Variants in PREX1 observed in about 807,000 individuals in gnomAD.
PREX1 encodes phosphatidylinositol 3,4,5-trisphosphate-dependent Rac exchanger 1 protein.
PREX1 carries 41 observed loss-of-function variants against 198.3 expected under a neutral mutation model. The observed-to-expected ratio is 0.21, with a 90% confidence interval of 0.16 to 0.27. The LOEUF (loss-of-function observed/expected upper bound fraction) is 0.27. PREX1 is among the 10% of genes least tolerant of loss of function. The probability of loss-of-function intolerance (pLI) is 1.00; values close to 1 mark genes in which losing one functional copy is unlikely to be tolerated. For synonymous variants in PREX1, 843 were observed against 887.2 expected, an observed-to-expected ratio of 0.95 and a Z score of 0.89; for missense variants, 1,620 against 2,200.7, an observed-to-expected ratio of 0.74 and a Z score of 5.28.
chr20:48,812,025 T>A (rs549499525), intron 1 of PREX1, among the ~76,000 whole-genome samples: 3 of 152,334 alleles, frequency 2.0e-5, no homozygotes, highest in Admixed American at 2.0e-4. Context: ...GCGAGATGAT[T>A]GGATGAGATG....
At chr20:48,857,813 A>C in the PREX1 span, among the ~76,000 whole-genome samples, 2 of 152,218 alleles carry the variant, frequency 1.3e-5, no homozygotes, top group African/African-American at 4.8e-5. Flanking sequence ...GGACTACTTT[A>C]GTGGTGGTCA....
chr20:48,629,161 G>A (rs772499245), intron 37 of PREX1, among the ~76,000 whole-genome samples: 14 of 152,176 alleles, frequency 9.2e-5, no homozygotes, highest in Non-Finnish European at 1.5e-4. Context: ...CATTGCTATT[G>A]TTAATGTTGA....
At chr20:48,660,290 T>C (rs1335925374) in intron 15 of PREX1, among the ~76,000 whole-genome samples, 2 of 152,232 alleles carry the variant, frequency 1.3e-5, no homozygotes, top group Non-Finnish European at 2.9e-5. Context: ...TCACCTGCTA[T>C]AAAAAGACAT....
intron 2 of PREX1, among the ~76,000 whole-genome samples, chr20:48,747,144 T>A (rs1174554276): frequency 1.3e-5 from 2 of 152,054 alleles, no homozygotes; most frequent in African/African-American, 4.8e-5. Context: ...ATCAGGGCGT[T>A]TGGGGGGAAT....
intron 1 of PREX1, among the ~76,000 whole-genome samples, chr20:48,773,362 C>G (rs1334265576): frequency 2.0e-5 from 3 of 152,018 alleles, no homozygotes; most frequent in East Asian, 3.9e-4. Context: ...CTACCACATC[C>G]TACCAGAGGC....
intron 1 of PREX1, among the ~76,000 whole-genome samples, chr20:48,764,463 C>T (rs751191389): frequency 2.6e-5 from 4 of 151,960 alleles, no homozygotes; most frequent in Non-Finnish European, 2.9e-5. Context: ...TTGAGGTGGG[C>T]CCAACATAAT....
chr20:48,749,899 T>G (rs1248722138), intron 1 of PREX1, among the ~76,000 whole-genome samples: 1 of 151,400 alleles, frequency 6.6e-6, no homozygotes, highest in East Asian at 1.9e-4. Context: ...CATAAATGGG[T>G]TAAATCCCCT....
chr20:48,737,969 G>C (rs908171988), intron 3 of PREX1, among the ~76,000 whole-genome samples: 1 of 152,162 alleles, frequency 6.6e-6, no homozygotes, highest in Non-Finnish European at 1.5e-5. Context: ...ATTTGTTTAA[G>C]CCTATCTGAA....
chr20:48,884,966 T>C, the PREX1 span, among the ~76,000 whole-genome samples: 1 of 152,166 alleles, frequency 6.6e-6, no homozygotes, highest in Non-Finnish European at 1.5e-5. Flanking sequence ...TGTCCATGCA[T>C]GAAAGAGCCT....
chr20:48,886,477 T>C, the PREX1 span, among the ~76,000 whole-genome samples: 4 of 152,238 alleles, frequency 2.6e-5, no homozygotes, highest in African/African-American at 9.6e-5. Flanking sequence ...ATGGAACCAC[T>C]GCTCAGCTGG....
At chr20:48,656,558 TC>T in intron 18 of PREX1, 1 of 456,806 alleles carries the variant, frequency 2.2e-6, no homozygotes, top group Non-Finnish European at 4.4e-6. Flanking sequence ...CCTAGCTGCT[TC>T]CCCTGCCTGG....
chr20:48,829,294 C>A (rs543255469), upstream of PREX1, among the ~76,000 whole-genome samples: 12 of 152,300 alleles, frequency 7.9e-5, no homozygotes, highest in African/African-American at 2.9e-4. Context: ...GAGATTGTAT[C>A]GTCTCTGCAG....
intron 3 of PREX1, among the ~76,000 whole-genome samples, chr20:48,743,326 C>A (rs929719100): frequency 2.6e-5 from 4 of 152,180 alleles, no homozygotes; most frequent in African/African-American, 4.8e-5. Flanking sequence ...TATTCAAACA[C>A]CTTTACTGCA....
chr20:48,700,646 C>T, intron 7 of PREX1, 107 bp downstream of exon 7: 1 of 1,456,318 alleles, frequency 6.9e-7, no homozygotes, highest in Admixed American at 1.7e-5. Context: ...TAGAACAAAC[C>T]CCTCAACTCA....
intron 5 of PREX1, among the ~76,000 whole-genome samples, 170 bp from the exon 6 acceptor site, chr20:48,708,591 T>C (rs2089914525): frequency 6.6e-6 from 1 of 152,144 alleles, no homozygotes; most frequent in South Asian, 2.1e-4. Flanking sequence ...TGGAATCCAA[T>C]GTCAAGCAGT....
At chr20:48,708,684 G>A (rs1246891798) in intron 5 of PREX1, among the ~76,000 whole-genome samples, 1 of 152,172 alleles carries the variant, frequency 6.6e-6, no homozygotes, top group Non-Finnish European at 1.5e-5. Flanking sequence ...TCTCTCTGGA[G>A]GTGATGTTTG....
At position 48,664,370 on chromosome 20, in the gene PREX1, G is replaced by A. The variant is rs577296904; in HGVS notation, c.1738+1913C>T. ...AGCCTGGGCGACAGAGCAAGACTCC[G>A]TCTGAAAAAAAAAAAAAAGAGAGAG... On this transcript the variant is annotated intron_variant, in intron 15 of 39. Coordinates refer to ENST00000371941, the MANE Select transcript of PREX1 (RefSeq NM_020820.4). Among the ~76,000 whole-genome samples the A allele has an allele frequency of 4.2e-4, 59 of 139,504 alleles. No homozygotes were observed. In the East Asian group the frequency reaches 0.011, roughly 25 times the overall value. The allele number at this position is 139,504 out of a possible 152,430, so 91.5% of individuals were successfully genotyped here.
At chr20:48,726,239 T>C in intron 5 of PREX1, 51 bp downstream of exon 5, 1 of 1,485,582 alleles carries the variant, frequency 6.7e-7, no homozygotes, top group Non-Finnish European at 9.3e-7. Context: ...AATTTTATGT[T>C]ATGCTGAAGC....
At chr20:48,842,539 G>A in the PREX1 span, among the ~76,000 whole-genome samples, 3 of 151,704 alleles carry the variant, frequency 2.0e-5, no homozygotes, top group East Asian at 1.9e-4. Context: ...TCTCTCCAGC[G>A]TGGTGCAGTG....
Sources: gnomAD v4.1 joint callset for allele counts (sites outside exome capture counted in the v4.1 genomes callset) on GRCh38, gnomAD v4.1.1 for gene constraint, MANE v1.5 for transcripts, NCBI Gene and HGNC (gene_info 2026-07-23, HGNC 2026-07-21) for gene names.